The following HPS4 variants were observed in gnomAD, a reference collection of about 807,000 sequenced individuals.
HPS4 encodes the protein HPS4 biogenesis of lysosomal organelles complex 3 subunit 2.
HPS4 carries 44 observed loss-of-function variants against 70.3 expected under a neutral mutation model. The observed-to-expected ratio is 0.63, with a 90% CI of 0.49 to 0.80. HPS4 has a LOEUF of 0.80. HPS4 is among the 30% of genes least tolerant of loss of function. The probability of loss-of-function intolerance (pLI) is 0.00; values close to 1 mark genes in which losing one functional copy is unlikely to be tolerated. For missense variants in HPS4, 873 were observed against 884.4 expected (o/e 0.99, Z 0.16); for synonymous variants, 377 against 355.9 (o/e 1.06, Z -0.67).
At chr22:26,483,070 T>C (rs895435743) in intron 1 of HPS4, among the ~76,000 whole-genome samples, 5 of 152,204 alleles carry the variant, frequency 3.3e-5, no homozygotes, top group South Asian at 2.1e-4. Context: ...ACGACCCCCA[T>C]TGAATATTTG....
chr22:26,458,280 G>A (rs1490862740), intron 12 of HPS4, among the ~76,000 whole-genome samples, 165 bp downstream of exon 12: 1 of 152,350 alleles, frequency 6.6e-6, no homozygotes, highest in East Asian at 1.9e-4. Context: ...CCCAGTGAAC[G>A]CCACACTCAG....
chr22:26,443,218 A>G (rs748242834), downstream of HPS4: 13 of 1,611,834 alleles, frequency 8.1e-6, no homozygotes, highest in Middle Eastern at 1.7e-4. Flanking sequence ...AGTATTTCCC[A>G]TGCTGGAGTC....
At chr22:26,469,338 G>C (rs977899204) in intron 7 of HPS4, among the ~76,000 whole-genome samples, 4 of 150,898 alleles carry the variant, frequency 2.7e-5, no homozygotes, top group African/African-American at 9.7e-5. Context: ...GCAAGTGCTT[G>C]TTGTTCCAGC....
rs1303263499 is a variant in HPS4, at chr22:26,451,747, A to G, written c.*1486T>C. 1.3e-5 allele frequency: 2 copies of G among 152,378 alleles called. No homozygotes were observed. Among genetic ancestry groups the G allele is most frequent in the African/African-American group, 4.8e-5 (2 of 41,412 alleles). 9.4% of individuals were successfully genotyped at this position (152,378 alleles called of 1,614,324 possible). ...TCTGGGAGAACATAGCAGAGGAGTA[A>G]GACAACATTTATCCTAGCTTCGGAT... On this transcript the variant is annotated 3_prime_UTR_variant, in exon 14 of 14. Coordinates refer to ENST00000398145, the MANE Select transcript of HPS4 (RefSeq NM_022081.6).
intron 7 of HPS4, among the ~76,000 whole-genome samples, chr22:26,469,687 C>CA (rs781594494): frequency 0.034 from 1,933 of 57,576 alleles, 24 homozygotes; most frequent in East Asian, 0.086. Context: ...CTCGTCCCTA[C>CA]AAAAAAAAAA....
intron 10 of HPS4, 83 bp downstream of exon 10, chr22:26,465,372 T>C: frequency 1.1e-6 from 1 of 894,466 alleles, no homozygotes; most frequent in East Asian, 2.4e-5. Context: ...CGATGGGATG[T>C]ATCAGAGGTT....
intron 11 of HPS4, among the ~76,000 whole-genome samples, chr22:26,460,296 T>C (rs528509454): frequency 6.6e-6 from 1 of 152,322 alleles, no homozygotes; most frequent in African/African-American, 2.4e-5. Context: ...GGAAAGACAA[T>C]CATAATATCT....
At chr22:26,458,062 G>A (rs532757535) in intron 12 of HPS4, 95 bp from the exon 13 acceptor site, 35 of 1,068,554 alleles carry the variant, frequency 3.3e-5, no homozygotes, top group African/African-American at 6.2e-5. Context: ...GACTGAGCAC[G>A]GCTCAAGGCC....
intron 4 of HPS4, among the ~76,000 whole-genome samples, chr22:26,473,307 G>A (rs889452808): frequency 6.6e-6 from 1 of 152,174 alleles, no homozygotes; most frequent in African/African-American, 2.4e-5. Context: ...TTGGACAGTA[G>A]ATGTTTAATC....
intron 13 of HPS4, among the ~76,000 whole-genome samples, chr22:26,454,796 C>T (rs1042779779): frequency 1.3e-5 from 2 of 152,184 alleles, no homozygotes; most frequent in African/African-American, 4.8e-5. Context: ...GAACAGGCAA[C>T]CTACAGAACG....
chr22:26,483,823 G>C (rs56821996), upstream of HPS4: 170 of 1,251,288 alleles, frequency 1.4e-4, 1 homozygote, highest in African/African-American at 2.5e-3. Flanking sequence ...TCCCCCTCCA[G>C]CTCCTGGCAA....
At position 26,481,736 on chromosome 22, in the gene HPS4, T is replaced by A. The variant is rs747194252; in HGVS notation, c.27A>T (p.Ala9=). The change falls in exon 2 of 14, where the codon GCA becomes GCT. Residue 9 remains alanine (A), a synonymous_variant. Coordinates refer to ENST00000398145, the MANE Select transcript of HPS4 (RefSeq NM_022081.6). Reference sequence around the variant, plus strand: ...TTGTTACTCACCACGAGGCTGACTTTGCCTCTGTGGAGGTAGAGGTGGCCA... The same window carrying A: ...TTGTTACTCACCACGAGGCTGACTTAGCCTCTGTGGAGGTAGAGGTGGCCA... MATSTSTE[A]KSASWWNYFF... is the part of the protein sequence containing the mutation. The A allele has an allele frequency of 9.9e-6, 16 of 1,614,086 alleles. No homozygotes were observed. The highest frequency in any genetic ancestry group is 1.3e-5 in the Non-Finnish European group (15 of 1,179,998).
chr22:26,460,380 T>C (rs749885691), intron 11 of HPS4, among the ~76,000 whole-genome samples: 6 of 152,252 alleles, frequency 3.9e-5, no homozygotes, highest in Admixed American at 1.3e-4. Context: ...CAGATGTGTG[T>C]GTGTGCATGT....
exon 4 of HPS4, chr22:26,444,324 A>G (rs1051963414): frequency 3.3e-5 from 5 of 152,114 alleles, no homozygotes; most frequent in Non-Finnish European, 5.9e-5. Flanking sequence ...TCATGGCACA[A>G]AGGTGTGCAC....
At chr22:26,450,769 C>T (rs188574349), downstream of HPS4, among the ~76,000 whole-genome samples, 276 of 152,334 alleles carry the variant, frequency 1.8e-3, 2 homozygotes, top group African/African-American at 6.2e-3. Flanking sequence ...TCACTCTGCA[C>T]TTCTCTTTGC....
intron 6 of HPS4, among the ~76,000 whole-genome samples, chr22:26,471,915 T>A (rs1340887371): frequency 6.6e-6 from 1 of 152,168 alleles, no homozygotes; most frequent in East Asian, 1.9e-4. Flanking sequence ...GCAACCTTGT[T>A]TTTGAAATGT....
downstream of HPS4, chr22:26,443,691 T>A (rs5761525): frequency 0.44 from 66,207 of 151,498 alleles, 14,710 homozygotes; most frequent in South Asian, 0.51. Context: ...GCTGGCACAC[T>A]GGGGACCCTT....
intron 6 of HPS4, 146 bp downstream of exon 6, chr22:26,472,156 G>T: frequency 1.4e-6 from 1 of 714,104 alleles, no homozygotes; most frequent in East Asian, 2.5e-5. Context: ...AAATGAGGCT[G>T]AGAGGTGACC....
Position 26,472,819 on chromosome 22 carries a change from C to T in HPS4, c.384+13G>A, listed in dbSNP as rs747367325. 11 of 1,594,166 alleles carry T rather than the reference C, an allele frequency of 6.9e-6. No individual in the cohort carries two copies. The highest frequency in any genetic ancestry group is 1.7e-4 in the Middle Eastern group (1 of 6,058). ...GAGGCCCAATGTAAGACTCCTCAAC[C>T]CCATACTTGTACCTCATAAGCTAGG... On this transcript the variant is annotated intron_variant, in intron 5 of 13. Transcript: ENST00000398145.
Sources: gnomAD v4.1 joint callset for allele counts (sites outside exome capture counted in the v4.1 genomes callset) on GRCh38, gnomAD v4.1.1 for gene constraint, MANE v1.5 for transcripts, NCBI Gene and HGNC (gene_info 2026-07-23, HGNC 2026-07-21) for gene names.